Variants in DLX6 observed in about 807,000 individuals in gnomAD.
DLX6 encodes distal-less homeobox 6.
Under a neutral mutation model 33.5 loss-of-function variants are expected in DLX6, and 4 were observed. The observed-to-expected ratio is 0.12, with a 90% CI of 0.06 to 0.27. DLX6 has a LOEUF of 0.27. DLX6 is among the 10% of genes least tolerant of loss of function. The pLI is 1.00. For synonymous variants in DLX6, 184 were observed against 164.8 expected, an observed-to-expected ratio of 1.12 and a Z score of -0.89; for missense variants, 382 against 393.3, an observed-to-expected ratio of 0.97 and a Z score of 0.24.
rs1789721458 is a variant in DLX6 at position 97,006,150 on chromosome 7, A to C, written c.173A>C (p.Gln58Pro). ...PPPPPPQPHS[Q>P]QSSPAMAGAH... Reference sequence around the variant, plus strand: ...CCGCCGCCGCCGCAGCCGCACTCGCAGCAGAGCTCCCCGGCCATGGCAGGC... The same window carrying C: ...CCGCCGCCGCCGCAGCCGCACTCGCCGCAGAGCTCCCCGGCCATGGCAGGC... The change falls in exon 1 of 3, where the codon CAG becomes CCG. Residue 58 changes from glutamine to proline, a missense_variant. Physicochemically the swap from Gln to Pro is moderately conservative, Grantham distance 76 (BLOSUM62 -1). Coordinates refer to ENST00000518156, the MANE Select transcript of DLX6 (RefSeq NM_005222.4). 1 of 1,541,448 alleles carries C rather than the reference A, an allele frequency of 6.5e-7. No individual in the cohort carries two copies. The highest frequency in any genetic ancestry group is 8.8e-7 in the Non-Finnish European group (1 of 1,140,350).
chr7:97,007,413 G>A, intron 1 of DLX6: 2 of 611,628 alleles, frequency 3.3e-6, no homozygotes, highest in South Asian at 3.9e-5. Flanking sequence ...CGCTCCCTTG[G>A]CCCAGACGCT....
In DLX6 at chr7:97,005,843, C is replaced by CTTTTT. The variant is rs753838572; in HGVS notation, c.-115_-111dup. 28 of 226,666 alleles carry CTTTTT rather than the reference C, an allele frequency of 1.2e-4. 2 individuals are homozygous for CTTTTT. The highest frequency in any genetic ancestry group is 3.6e-4 in the African/African-American group (7 of 19,458). The allele number at this position is 226,666 out of a possible 1,614,324, so 14.0% of individuals were successfully genotyped here. A position where few individuals can be genotyped will look rare whatever the true frequency, so the allele number is the denominator to read the frequency against. On this transcript the variant is annotated 5_prime_UTR_variant, in exon 1 of 3. Coordinates refer to ENST00000518156, the MANE Select transcript of DLX6 (RefSeq NM_005222.4). ...CCACCTCCACCCCCCTCTTTAAATT[C>CTTTTT]TTTTTTTTTTTTTTTTTTTTTTTTG...
Position 97,006,259 on chromosome 7 carries a change from C to G in DLX6, c.282C>G (p.His94Gln), listed in dbSNP as rs1184133255. ...GSHHHHHHQH[H>Q]HHGSPYASGG... ...ACCACCACCACCACCACCAGCACCA[C>G]CACCACGGCTCGCCCTACGCGTCGG... Residue 94 changes from histidine to glutamine, a missense_variant, in exon 1 of 3, where the codon CAC becomes CAG. Physicochemically the swap from His to Gln is conservative, Grantham distance 24 (BLOSUM62 0). This residue lies in a region of DLX6 where 257 missense variants were observed against 206.9 expected (regional missense o/e 1.24). Transcript: ENST00000518156. 9 of 1,526,922 alleles carry G rather than the reference C, an allele frequency of 5.9e-6. No homozygotes were observed. Among genetic ancestry groups the G allele is most frequent in the South Asian group, 1.2e-5 (1 of 80,948 alleles). The allele number at this position is 1,526,922 out of a possible 1,614,324, so 94.6% of individuals were successfully genotyped here. A position where few individuals can be genotyped will look rare whatever the true frequency, so the allele number is the denominator to read the frequency against.
rs899821004 is a variant in DLX6 at position 97,011,006 on chromosome 7, C to T, written c.*959C>T. The stretch of plus-strand genomic sequence containing the variant: ...CATATACTTTGTATGTTTTTGTCTT[C>T]TTTCATATATGGAGTAAAAGCCACA... On this transcript the variant is annotated 3_prime_UTR_variant, in exon 3 of 3. Coordinates refer to ENST00000518156, the MANE Select transcript of DLX6 (RefSeq NM_005222.4). The T allele has an allele frequency of 6.6e-6, 1 of 152,370 alleles. No homozygotes were observed. Among genetic ancestry groups the T allele is most frequent in the Admixed American group, 6.6e-5 (1 of 15,250 alleles). 9.4% of individuals were successfully genotyped at this position (152,370 alleles called of 1,614,324 possible).
intron 2 of DLX6, 77 bp downstream of exon 2, chr7:97,007,908 A>G (rs1789773142): frequency 3.6e-6 from 5 of 1,399,624 alleles, no homozygotes; most frequent in Admixed American, 2.7e-5. Flanking sequence ...ATCAGGAGGA[A>G]TTGTTGGCCT....
chr7:97,007,249 G>C lies in DLX6; in HGVS notation c.437-389G>C, dbSNP rs1789756913. ...AAGTCAACTGGCCGCGTAAACACCTGGGTGGCTCAAGCACAGCTTCAGGTA... is the reference window on the plus strand; with the variant it reads ...AAGTCAACTGGCCGCGTAAACACCTCGGTGGCTCAAGCACAGCTTCAGGTA... On this transcript the variant is annotated intron_variant, in intron 1 of 2. Coordinates refer to ENST00000518156, the MANE Select transcript of DLX6 (RefSeq NM_005222.4). The C allele has an allele frequency of 7.9e-6, 4 of 508,840 alleles. No homozygotes were observed. In the South Asian group the frequency reaches 1.1e-4, roughly 14 times the overall value. 31.5% of individuals were successfully genotyped at this position (508,840 alleles called of 1,614,324 possible). A position where few individuals can be genotyped will look rare whatever the true frequency, so the allele number is the denominator to read the frequency against.
chr7:97,007,537 T>A (rs1789764517), intron 1 of DLX6, 101 bp from the exon 2 acceptor site: 5 of 1,127,526 alleles, frequency 4.4e-6, no homozygotes, highest in Non-Finnish European at 6.5e-6. Flanking sequence ...GAGGTAACCC[T>A]TATTGGGCTT....
chr7:97,008,804 A>T (rs2115873721), intron 2 of DLX6, among the ~76,000 whole-genome samples: 1 of 152,268 alleles, frequency 6.6e-6, no homozygotes. Context: ...GCTCTTTTTC[A>T]ATTTAGCCTG....
rs746036175 is a variant in DLX6, at chr7:97,006,232, G to GCACCAC, written c.270_275dup (p.His90_His91dup). 4.6e-5 allele frequency: 69 copies of GCACCAC among 1,512,500 alleles called. No individual in the cohort carries two copies. The highest frequency in any genetic ancestry group is 2.7e-4 in the Admixed American group (13 of 47,654). The allele number at this position is 1,512,500 out of a possible 1,614,324, so 93.7% of individuals were successfully genotyped here. ...CGGCGGCGGCGGCAGCGGCCGGCTC[G>GCACCAC]CACCACCACCACCACCACCAGCACC... On this transcript the variant is annotated inframe_insertion, in exon 1 of 3. Transcript: ENST00000518156.
At position 97,006,129 on chromosome 7, in the gene DLX6, C is replaced by CGCCGCCGCCGCA. The variant is rs1789719357; in HGVS notation, c.160_161insCGCAGCCGCCGC (p.Pro53_Gln54insProGlnProPro). ...CAACAGCCGCCGCCGCCGCCGCCGCCGCCGCCGCAGCCGCACTCGCAGCAG... is the reference window on the plus strand; with the variant it reads ...CAACAGCCGCCGCCGCCGCCGCCGCCGCCGCCGCCGCAGCCGCCGCAGCCGCACTCGCAGCAG... On this transcript the variant is annotated inframe_insertion, in exon 1 of 3. Transcript: ENST00000518156. The CGCCGCCGCCGCA allele has an allele frequency of 3.9e-6, 6 of 1,533,088 alleles. No individual in the cohort carries two copies. The highest frequency in any genetic ancestry group is 1.4e-5 in the African/African-American group (1 of 72,678). 95.0% of individuals were successfully genotyped at this position (1,533,088 alleles called of 1,614,324 possible). A position where few individuals can be genotyped will look rare whatever the true frequency, so the allele number is the denominator to read the frequency against.
In DLX6 at chr7:97,006,085, GCAGCAGCAGCAGCAA is replaced by G; in HGVS notation, c.114_128del (p.Gln40_Gln44del). ...AGCAGCAGCAGCAGCAACAGCAGCA[GCAGCAGCAGCAGCAA>G]CAGCAACAGCCGCCGCCGCCGCCGC... On this transcript the variant is annotated inframe_deletion, in exon 1 of 3. Coordinates refer to ENST00000518156, the MANE Select transcript of DLX6 (RefSeq NM_005222.4). 6.4e-7 allele frequency: 1 copy of G among 1,559,808 alleles called. No individual in the cohort carries two copies. The highest frequency in any genetic ancestry group is 2.4e-5 in the East Asian group (1 of 41,518).
intron 2 of DLX6, among the ~76,000 whole-genome samples, chr7:97,009,286 G>T (rs1789796818): frequency 1.3e-5 from 2 of 152,200 alleles, no homozygotes; most frequent in Admixed American, 6.5e-5. Context: ...TCAGTCATTT[G>T]CTCCTTGTAC....
rs760599595 is a variant in DLX6, at chr7:97,006,222, C to T, written c.245C>T (p.Ala82Val). ...HCLHSAAAAA[A>V]AGSHHHHHHQ... ...CTGCACTCGGCGGCGGCGGCGGCAG[C>T]GGCCGGCTCGCACCACCACCACCAC... The change falls in exon 1 of 3, where the codon GCG (alanine) becomes GTG (valine). Residue 82 changes from alanine (A) to valine (V), a missense_variant. By Grantham distance (64) the Ala-to-Val change is moderately conservative. This residue lies in a region of DLX6 where 257 missense variants were observed against 206.9 expected (regional missense o/e 1.24). Coordinates refer to ENST00000518156, the MANE Select transcript of DLX6 (RefSeq NM_005222.4). 3.5e-5 allele frequency: 53 copies of T among 1,510,478 alleles called. No homozygotes were observed. Among genetic ancestry groups the T allele is most frequent in the South Asian group, 1.0e-4 (8 of 79,286 alleles). The allele number at this position is 1,510,478 out of a possible 1,614,324, so 93.6% of individuals were successfully genotyped here.
At chr7:97,008,674 A>T (rs757290743) in intron 2 of DLX6, among the ~76,000 whole-genome samples, 5 of 152,212 alleles carry the variant, frequency 3.3e-5, no homozygotes, top group Non-Finnish European at 5.9e-5. Context: ...TGATTAATTT[A>T]CCTACATGGA....
In DLX6 at chr7:97,010,206, C is replaced by T. The variant is rs1789818488; in HGVS notation, c.*159C>T. 8.4e-6 allele frequency: 6 copies of T among 717,562 alleles called. No individual in the cohort carries two copies. In the East Asian group the frequency reaches 1.7e-4, roughly 20 times the overall value. The allele number at this position is 717,562 out of a possible 1,614,324, so 44.4% of individuals were successfully genotyped here. A position where few individuals can be genotyped will look rare whatever the true frequency, so the allele number is the denominator to read the frequency against. On this transcript the variant is annotated 3_prime_UTR_variant, in exon 3 of 3. Transcript: ENST00000518156. Reference sequence around the variant, plus strand: ...TCATTCTCTCTCCCTCTCTCTCTCTCTCCCTCTCCTTTCTTTTTACTTCTT... The same window carrying T: ...TCATTCTCTCTCCCTCTCTCTCTCTTTCCCTCTCCTTTCTTTTTACTTCTT...
At position 97,006,244 on chromosome 7, in the gene DLX6, C is replaced by CCACCACCAG; in HGVS notation, c.276_284dup (p.Gln92_His94dup). The stretch of plus-strand genomic sequence containing the variant: ...CAGCGGCCGGCTCGCACCACCACCA[C>CCACCACCAG]CACCACCAGCACCACCACCACGGCT... On this transcript the variant is annotated inframe_insertion, in exon 1 of 3. Coordinates refer to ENST00000518156, the MANE Select transcript of DLX6 (RefSeq NM_005222.4). 6 of 1,521,996 alleles carry CCACCACCAG rather than the reference C, an allele frequency of 3.9e-6. No homozygotes were observed. In the Admixed American group the frequency reaches 6.2e-5, roughly 16 times the overall value. 94.3% of individuals were successfully genotyped at this position (1,521,996 alleles called of 1,614,324 possible). A position where few individuals can be genotyped will look rare whatever the true frequency, so the allele number is the denominator to read the frequency against.
Position 97,006,117 on chromosome 7 carries a change from C to CAGCAACAGCAACA in DLX6, c.140_141insAGCAACAGCAACA (p.Pro48AlafsTer111), listed in dbSNP as rs758248695. 14 of 1,503,918 alleles carry CAGCAACAGCAACA rather than the reference C, an allele frequency of 9.3e-6. No individual in the cohort carries two copies. Among genetic ancestry groups the CAGCAACAGCAACA allele is most frequent in the Non-Finnish European group, 1.3e-5 (14 of 1,113,440 alleles). 93.2% of individuals were successfully genotyped at this position (1,503,918 alleles called of 1,614,324 possible). ...CAGCAGCAACAGCAACAGCCGCCGC[C>CAGCAACAGCAACA]GCCGCCGCCGCCGCCGCCGCAGCCG... is the stretch of plus-strand genomic sequence containing the variant. On this transcript the variant is annotated frameshift_variant, in exon 1 of 3. Coordinates refer to ENST00000518156, the MANE Select transcript of DLX6 (RefSeq NM_005222.4). LOFTEE classifies it high-confidence loss of function.
Position 97,006,402 on chromosome 7 carries a change from G to C in DLX6, c.425G>C (p.Gly142Ala). The change falls in exon 1 of 3, where the codon GGG becomes GCG. Residue 142 changes from glycine (G) to alanine (A), a missense_variant. By Grantham distance (60) the Gly-to-Ala change is moderately conservative. Transcript: ENST00000518156. Reference sequence around the variant, plus strand: ...AGCAGCGCAGCCGCCCAGACGCGAGGGGACGACACAGGTGAGAGGCCGCTG... The same window carrying C: ...AGCAGCGCAGCCGCCCAGACGCGAGCGGACGACACAGGTGAGAGGCCGCTG... ...HNSSAAAQTR[G>A]DDTDQQKTTV... 1 of 1,415,850 alleles carries C rather than the reference G, an allele frequency of 7.1e-7. No individual in the cohort carries two copies. The highest frequency in any genetic ancestry group is 9.3e-7 in the Non-Finnish European group (1 of 1,071,982). 87.7% of individuals were successfully genotyped at this position (1,415,850 alleles called of 1,614,324 possible).
chr7:97,009,851 G>A lies in DLX6; in HGVS notation c.686G>A (p.Gly229Asp). The change falls in exon 3 of 3, where the codon GGC (glycine) becomes GAC (aspartate). Residue 229 changes from glycine (G) to aspartate (D), a missense_variant. Physicochemically the swap from Gly to Asp is moderately conservative, Grantham distance 94. This residue lies in a region of DLX6 where 96 missense variants were observed against 93.3 expected (regional missense o/e 1.03). Transcript: ENST00000518156. Reference protein sequence around the residue: ...RSKFKKLLKQGSNPHESDPLQ... With the variant: ...RSKFKKLLKQDSNPHESDPLQ... ...AAGTTTAAGAAACTGCTGAAGCAGGGCAGTAATCCTCATGAGAGCGACCCC... is the reference window on the plus strand; with the variant it reads ...AAGTTTAAGAAACTGCTGAAGCAGGACAGTAATCCTCATGAGAGCGACCCC... 1 of 1,614,004 alleles carries A rather than the reference G, an allele frequency of 6.2e-7. No homozygotes were observed. Among genetic ancestry groups the A allele is most frequent in the Non-Finnish European group, 8.5e-7 (1 of 1,179,888 alleles).
Sources: gnomAD v4.1 joint callset for allele counts (sites outside exome capture counted in the v4.1 genomes callset) on GRCh38, gnomAD v4.1.1 for gene constraint, gnomAD v4.1.1 regional missense constraint, MANE v1.5 for transcripts, NCBI Gene and HGNC (gene_info 2026-07-23, HGNC 2026-07-21) for gene names.